Variants in LAMA1 observed in about 807,000 individuals in gnomAD.
LAMA1 encodes the protein laminin subunit alpha 1.
A neutral mutation model predicts 348.7 loss-of-function variants in LAMA1; 219 were observed. That is an observed-to-expected ratio of 0.63 (90% CI 0.56 to 0.70). The LOEUF (loss-of-function observed/expected upper bound fraction) is 0.70. LAMA1 is among the 30% of genes least tolerant of loss of function. LAMA1 has a pLI of 0.00. For synonymous variants in LAMA1, 1,487 were observed against 1,491.0 expected (o/e 1.00, Z 0.06); for missense variants, 3,744 against 3,888.0 (o/e 0.96, Z 0.99).
intron 48 of LAMA1, among the ~76,000 whole-genome samples, chr18:6,966,986 C>G (rs1309106740): frequency 1.3e-5 from 2 of 152,058 alleles, no homozygotes; most frequent in African/African-American, 4.8e-5. Context: ...TAATTATGTT[C>G]CAAAAATAAT....
At chr18:7,077,506 T>G (rs1342651676) in intron 3 of LAMA1, among the ~76,000 whole-genome samples, 1 of 152,014 alleles carries the variant, frequency 6.6e-6, no homozygotes. Context: ...CACCTGGCTG[T>G]CTATGCTTAT....
At chr18:7,004,603 T>C (rs1039006018) in intron 29 of LAMA1, among the ~76,000 whole-genome samples, 1 of 152,146 alleles carries the variant, frequency 6.6e-6, no homozygotes, top group East Asian at 1.9e-4. Flanking sequence ...CCGCCCACCT[T>C]GGCCTCCCAA....
At chr18:6,963,898 G>T (rs545845386) in intron 51 of LAMA1, 11 of 152,326 alleles carry the variant, frequency 7.2e-5, no homozygotes, top group South Asian at 4.1e-4. Flanking sequence ...GGATTCCATT[G>T]TGTGTCCTGT....
At chr18:6,976,940 G>C (rs888434552) in intron 44 of LAMA1, among the ~76,000 whole-genome samples, 1 of 152,198 alleles carries the variant, frequency 6.6e-6, no homozygotes. Context: ...AACTGAAACA[G>C]ATGCAAGCCA....
chr18:6,943,410 C>A lies in LAMA1; in HGVS notation c.8845-8G>T. ...GTTGACATGGAACAAGACCTAAAAG[C>A]AAATATCTTGGTGAGTTTTTGTGTA... is the stretch of plus-strand genomic sequence containing the variant. On this transcript the variant is annotated splice_region_variant and splice_polypyrimidine_tract_variant and intron_variant, in intron 61 of 62. Coordinates refer to ENST00000389658, the MANE Select transcript of LAMA1 (RefSeq NM_005559.4). 2 of 1,612,550 alleles carry A rather than the reference C, an allele frequency of 1.2e-6. No homozygotes were observed. Among genetic ancestry groups the A allele is most frequent in the Non-Finnish European group, 1.7e-6 (2 of 1,178,562 alleles).
chr18:6,966,841 G>C (rs762433254), intron 48 of LAMA1, among the ~76,000 whole-genome samples: 1 of 152,156 alleles, frequency 6.6e-6, no homozygotes. Flanking sequence ...AGATGAGTAC[G>C]TAGGTTGAAA....
intron 23 of LAMA1, among the ~76,000 whole-genome samples, chr18:7,012,495 T>G (rs978302183): frequency 2.4e-5 from 3 of 125,890 alleles, no homozygotes; most frequent in African/African-American, 1.1e-4. Context: ...ATTATTATTA[T>G]TATATTATTA....
rs770528950 is a variant in LAMA1 at position 7,043,224 on chromosome 18, T to C, written c.1155+3A>G. 1 of 1,614,122 alleles carries C rather than the reference T, an allele frequency of 6.2e-7. No individual in the cohort carries two copies. The highest frequency in any genetic ancestry group is 8.5e-7 in the Non-Finnish European group (1 of 1,179,980). ...ATCAGCAATGGCAAAGAAATACTCT[T>C]ACTTTGTGTGGTCTATAATATCCAT... On this transcript the variant is annotated splice_donor_region_variant and intron_variant, in intron 8 of 62. Coordinates refer to ENST00000389658, the MANE Select transcript of LAMA1 (RefSeq NM_005559.4).
chr18:7,048,961 A>G, intron 5 of LAMA1, 117 bp downstream of exon 5: 1 of 1,017,048 alleles, frequency 9.8e-7, no homozygotes, highest in South Asian at 1.4e-5. Context: ...GCTGGCAAGA[A>G]AAAAGGCCAA....
intron 30 of LAMA1, 63 bp from the exon 31 acceptor site, chr18:7,000,060 C>T (rs896513836): frequency 3.9e-5 from 47 of 1,201,034 alleles, no homozygotes; most frequent in Non-Finnish European, 5.4e-5. Flanking sequence ...CCTTAAGGTA[C>T]TTATTCATTA....
chr18:6,944,479 A>T (rs2057513763), intron 61 of LAMA1, among the ~76,000 whole-genome samples: 1 of 152,134 alleles, frequency 6.6e-6, no homozygotes, highest in African/African-American at 2.4e-5. Flanking sequence ...TGAAGTCCTA[A>T]CCCCCAGTAC....
In LAMA1 at chr18:6,950,847, C is replaced by T; in HGVS notation, c.8332G>A (p.Asp2778Asn). The T allele has an allele frequency of 1.2e-6, 2 of 1,614,150 alleles. No homozygotes were observed. Among genetic ancestry groups the T allele is most frequent in the Non-Finnish European group, 1.7e-6 (2 of 1,180,024 alleles). ...ACCTTTGTTCTGCCTTTGCCAAGGT[C>T]AAACATGAAGTGGAGGCGGCCCCCG... ...LHGGRLHFMF[D>N]LGKGRTKVSH... Residue 2778 changes from aspartate (D) to asparagine (N), a missense_variant, in exon 58 of 63, where the codon GAC (aspartate) becomes AAC (asparagine). This residue lies in a region of LAMA1 where 1,983 missense variants were observed against 1,934.3 expected (regional missense o/e 1.03). Transcript: ENST00000389658.
chr18:7,068,132 C>T (rs2058130816), intron 3 of LAMA1, among the ~76,000 whole-genome samples: 2 of 152,152 alleles, frequency 1.3e-5, no homozygotes, highest in Non-Finnish European at 1.5e-5. Context: ...GGATTACAGG[C>T]GTGAGCCACC....
chr18:6,979,597 A>G (rs1384182267), intron 42 of LAMA1, among the ~76,000 whole-genome samples: 2 of 152,234 alleles, frequency 1.3e-5, no homozygotes, highest in African/African-American at 2.4e-5. Flanking sequence ...ACATAAAAAA[A>G]TTATCCTATT....
Position 6,978,211 on chromosome 18 carries a change from C to A in LAMA1, c.6175G>T (p.Asp2059Tyr), listed in dbSNP as rs1568015450. 1 of 1,614,220 alleles carries A rather than the reference C, an allele frequency of 6.2e-7. No homozygotes were observed. Among genetic ancestry groups the A allele is most frequent in the East Asian group, 2.2e-5 (1 of 44,882 alleles). The change falls in exon 43 of 63, where the codon GAC (aspartate) becomes TAC (tyrosine). Residue 2059 changes from aspartate to tyrosine, a missense_variant. Asp to Tyr is a radical substitution (Grantham distance 160). Coordinates refer to ENST00000389658, the MANE Select transcript of LAMA1 (RefSeq NM_005559.4). ...GCTGACATACTGGCCATGGTGGAGT[C>A]CTGCAGAAGCTGGTGTGTCTCTCGT... ...TLRETHQLLQ[D>Y]STMATLLAGR... is the part of the protein sequence containing the mutation.
intron 3 of LAMA1, among the ~76,000 whole-genome samples, chr18:7,071,958 G>C (rs1385244386): frequency 6.6e-6 from 1 of 152,208 alleles, no homozygotes; most frequent in African/African-American, 2.4e-5. Flanking sequence ...TGATAGTATT[G>C]TTGTAGCATT....
chr18:7,014,823 C>T (rs2057878809), intron 22 of LAMA1, among the ~76,000 whole-genome samples: 1 of 152,010 alleles, frequency 6.6e-6, no homozygotes, highest in South Asian at 2.1e-4. Flanking sequence ...TTAAAGGACA[C>T]TCAAATATTT....
intron 1 of LAMA1, among the ~76,000 whole-genome samples, chr18:7,098,856 C>T (rs2058277551): frequency 7.6e-6 from 1 of 131,576 alleles, no homozygotes; most frequent in Admixed American, 7.8e-5. Context: ...GGGGGTCAGC[C>T]CCCCGCCCGG....
At chr18:6,958,696 T>A (rs2057592571) in intron 54 of LAMA1, 34 bp from the exon 55 acceptor site, 1 of 1,539,468 alleles carries the variant, frequency 6.5e-7, no homozygotes, top group Admixed American at 1.7e-5. Context: ...AATGAAAAGC[T>A]TTAAACATAA....
Sources: gnomAD v4.1 joint callset for allele counts (sites outside exome capture counted in the v4.1 genomes callset) on GRCh38, gnomAD v4.1.1 for gene constraint, gnomAD v4.1.1 regional missense constraint, MANE v1.5 for transcripts, NCBI Gene and HGNC (gene_info 2026-07-23, HGNC 2026-07-21) for gene names.